Variants in CLCA4 observed in about 807,000 individuals in gnomAD.
CLCA4 encodes chloride channel accessory 4, also known as calcium-activated chloride channel regulator 4.
A neutral mutation model predicts 78.9 loss-of-function variants in CLCA4; 69 were observed. The observed-to-expected ratio is 0.87, with a 90% CI of 0.72 to 1.07. CLCA4 has a LOEUF of 1.07. CLCA4 is among the 50% of genes least tolerant of loss of function. CLCA4 has a pLI of 0.00. For missense variants in CLCA4, 1,133 were observed against 1,095.8 expected, an observed-to-expected ratio of 1.03 and a Z score of -0.48; for synonymous variants, 362 against 375.8, an observed-to-expected ratio of 0.96 and a Z score of 0.42.
chr1:86,573,982 G>C (rs1201449519), intron 9 of CLCA4, among the ~76,000 whole-genome samples: 1 of 152,024 alleles, frequency 6.6e-6, no homozygotes, highest in Non-Finnish European at 1.5e-5. Context: ...TAATCTACTT[G>C]ATTTAGCCAT....
intron 13 of CLCA4, 96 bp downstream of exon 13, chr1:86,579,683 T>C: frequency 6.5e-6 from 6 of 927,018 alleles, no homozygotes; most frequent in Non-Finnish European, 1.0e-5. Context: ...TGGTTTTATA[T>C]TGACAGCCTA....
Position 86,567,549 on chromosome 1 carries a change from C to G in CLCA4, c.1080C>G (p.Ile360Met). The change falls in exon 7 of 14, where the codon ATC (isoleucine) becomes ATG (methionine). Residue 360 changes from isoleucine to methionine, a missense_variant. Coordinates refer to ENST00000370563, the MANE Select transcript of CLCA4 (RefSeq NM_012128.4). The stretch of plus-strand genomic sequence containing the variant: ...CTGCCACTATTGTAAATAAGCTAAT[C>G]CAAATAAAAAGCAGTGATGAAAGAA... ...DSTATIVNKL[I>M]QIKSSDERNT... 6.2e-7 allele frequency: 1 copy of G among 1,613,168 alleles called. No homozygotes were observed. Among genetic ancestry groups the G allele is most frequent in the Non-Finnish European group, 8.5e-7 (1 of 1,179,404 alleles).
At chr1:86,555,098 T>C (rs1649796574) in intron 1 of CLCA4, among the ~76,000 whole-genome samples, 1 of 152,206 alleles carries the variant, frequency 6.6e-6, no homozygotes, top group Non-Finnish European at 1.5e-5. Context: ...TTTTAAATGC[T>C]GGATATTAGA....
rs187024115 is a variant in CLCA4 at position 86,573,295 on chromosome 1, A to T, written c.1467+575A>T. Among the ~76,000 whole-genome samples, 20 of 151,914 alleles carry T rather than the reference A, an allele frequency of 1.3e-4. No individual in the cohort carries two copies. In the East Asian group the frequency reaches 3.3e-3, roughly 25 times the overall value. The stretch of plus-strand genomic sequence containing the variant: ...TCTTCCGAACTTAACACTTTTGCTC[A>T]TCTGGGTCTTGATAGCACCACCATT... On this transcript the variant is annotated intron_variant, in intron 9 of 13. Coordinates refer to ENST00000370563, the MANE Select transcript of CLCA4 (RefSeq NM_012128.4).
chr1:86,573,181 G>A (rs763938165), intron 9 of CLCA4, among the ~76,000 whole-genome samples: 8 of 151,820 alleles, frequency 5.3e-5, no homozygotes, highest in Non-Finnish European at 1.0e-4. Context: ...GGAGAAAGAC[G>A]GGGTGAATAA....
chr1:86,557,897 G>T (rs1649899300), intron 1 of CLCA4, among the ~76,000 whole-genome samples: 1 of 151,532 alleles, frequency 6.6e-6, no homozygotes, highest in African/African-American at 2.4e-5. Context: ...ATTTAGAATA[G>T]TTAGAGCTTC....
intron 11 of CLCA4, 40 bp downstream of exon 11, chr1:86,575,639 A>T (rs1426708190): frequency 6.3e-7 from 1 of 1,577,648 alleles, no homozygotes; most frequent in Non-Finnish European, 8.7e-7. Context: ...ATATTTTCCT[A>T]ATTCAGCATG....
intron 8 of CLCA4, among the ~76,000 whole-genome samples, chr1:86,571,853 T>C (rs1650359608): frequency 6.6e-6 from 1 of 152,036 alleles, no homozygotes; most frequent in African/African-American, 2.4e-5. Context: ...TGAAAATGGA[T>C]TACGTGTTTC....
chr1:86,576,839 G>T (rs1014091836), intron 11 of CLCA4, among the ~76,000 whole-genome samples: 1 of 151,970 alleles, frequency 6.6e-6, no homozygotes, highest in Non-Finnish European at 1.5e-5. Flanking sequence ...TGTCTCCCTG[G>T]TCTGCACAGA....
In CLCA4 at chr1:86,566,032, T is replaced by C. The variant is rs1650181098; in HGVS notation, c.954+12T>C. The C allele has an allele frequency of 1.1e-5, 18 of 1,604,526 alleles. No homozygotes were observed. Among genetic ancestry groups the C allele is most frequent in the Non-Finnish European group, 1.5e-5 (18 of 1,172,422 alleles). On this transcript the variant is annotated intron_variant, in intron 6 of 13. Transcript: ENST00000370563. ...CTGGAAGCATGGGGGTAAGATCACT[T>C]TTTCTGGATATAGGGATGTAGGATA...
At chr1:86,560,500 C>A (rs931751795) in intron 3 of CLCA4, 142 bp downstream of exon 3, 1 of 756,036 alleles carries the variant, frequency 1.3e-6, no homozygotes, top group Non-Finnish European at 2.1e-6. Context: ...TGACCTTAAA[C>A]AAGTGACCTA....
At chr1:86,576,641 G>A (rs1650531098) in intron 11 of CLCA4, among the ~76,000 whole-genome samples, 1 of 152,124 alleles carries the variant, frequency 6.6e-6, no homozygotes, top group African/African-American at 2.4e-5. Context: ...TTAAGTGATA[G>A]AGCTTGGGTC....
chr1:86,570,994 T>C, intron 7 of CLCA4, 83 bp from the exon 8 acceptor site: 1 of 977,080 alleles, frequency 1.0e-6, no homozygotes, highest in Non-Finnish European at 1.5e-6. Context: ...GTTTATTTTC[T>C]CTGTAAATTT....
intron 1 of CLCA4, chr1:86,553,419 A>T: frequency 2.4e-6 from 1 of 408,210 alleles, no homozygotes; most frequent in Admixed American, 4.2e-5. Flanking sequence ...GAGGCGAGGC[A>T]GCAGAGATCC....
At chr1:86,558,555 A>T (rs1338542342) in intron 1 of CLCA4, among the ~76,000 whole-genome samples, 1 of 152,186 alleles carries the variant, frequency 6.6e-6, no homozygotes, top group Non-Finnish European at 1.5e-5. Flanking sequence ...TAATTTATAA[A>T]GGAAAAGATT....
intron 1 of CLCA4, among the ~76,000 whole-genome samples, chr1:86,553,787 T>C (rs769497230): frequency 2.6e-5 from 4 of 151,888 alleles, no homozygotes; most frequent in Non-Finnish European, 5.9e-5. Flanking sequence ...AATACAAAAA[T>C]TAGCTGGGCC....
rs761435066 is a variant in CLCA4 at position 86,580,076 on chromosome 1, G to A, written c.2491G>A (p.Glu831Lys). The change falls in exon 14 of 14, where the codon GAA becomes AAA. Residue 831 changes from glutamate (E) to lysine (K), a missense_variant. Transcript: ENST00000370563. ...NSKESFAFKP[E>K]NISEENATHI... ...CAAGGAAAGCTTTGCATTTAAACCA[G>A]AAAATATCTCAGAAGAAAATGCAAC... is the stretch of plus-strand genomic sequence containing the variant. 2.5e-6 allele frequency: 4 copies of A among 1,612,922 alleles called. No homozygotes were observed. Among genetic ancestry groups the A allele is most frequent in the Middle Eastern group, 1.7e-4 (1 of 6,046 alleles).
At chr1:86,564,850 A>G (rs1650130724) in intron 4 of CLCA4, among the ~76,000 whole-genome samples, 1 of 152,112 alleles carries the variant, frequency 6.6e-6, no homozygotes, top group Non-Finnish European at 1.5e-5. Flanking sequence ...TGTCTATCCC[A>G]TGTACTATTT....
At chr1:86,556,056 T>C (rs2208392) in intron 1 of CLCA4, among the ~76,000 whole-genome samples, 121,705 of 152,112 alleles carry the variant, frequency 0.8, 48,991 homozygotes, top group East Asian at 0.94. Context: ...TGATTTTGTA[T>C]GCTGAAACTT....
Sources: gnomAD v4.1 joint callset for allele counts (sites outside exome capture counted in the v4.1 genomes callset) on GRCh38, gnomAD v4.1.1 for gene constraint, MANE v1.5 for transcripts, NCBI Gene and HGNC (gene_info 2026-07-23, HGNC 2026-07-21) for gene names.